TBC1D32: variants seen among roughly 807,000 people sequenced by gnomAD.
TBC1D32 encodes TBC1 domain family member 32.
A neutral mutation model predicts 170.3 loss-of-function variants in TBC1D32; 151 were observed. That is an observed-to-expected ratio of 0.89 (90% CI 0.78 to 1.01). The LOEUF (loss-of-function observed/expected upper bound fraction) is 1.01, where lower values mean the gene tolerates loss of function less well. Ranked by LOEUF, TBC1D32 falls within the 50% of genes least tolerant of loss-of-function variation. The pLI is 0.00. For missense variants in TBC1D32, 1,464 were observed against 1,457.1 expected, an observed-to-expected ratio of 1.00 and a Z score of -0.08; for synonymous variants, 498 against 488.0, an observed-to-expected ratio of 1.02 and a Z score of -0.27.
intron 21 of TBC1D32, among the ~76,000 whole-genome samples, chr6:121,218,662 T>C (rs745388079): frequency 9.9e-5 from 15 of 152,252 alleles, no homozygotes; most frequent in Non-Finnish European, 1.8e-4. Flanking sequence ...CCTTGATATA[T>C]AGATATATAT....
chr6:121,194,531 T>C (rs1249822590), intron 22 of TBC1D32, among the ~76,000 whole-genome samples: 1 of 152,360 alleles, frequency 6.6e-6, no homozygotes, highest in South Asian at 2.1e-4. Flanking sequence ...ACTGGGTTAT[T>C]GTAAGCTTAA....
intron 15 of TBC1D32, among the ~76,000 whole-genome samples, chr6:121,258,801 T>C (rs1430300575): frequency 6.6e-6 from 1 of 152,146 alleles, no homozygotes; most frequent in African/African-American, 2.4e-5. Flanking sequence ...CTCCATTGTG[T>C]AAACATAATT....
intron 21 of TBC1D32, among the ~76,000 whole-genome samples, chr6:121,213,184 T>C (rs1471163099): frequency 6.6e-6 from 1 of 152,088 alleles, no homozygotes; most frequent in Non-Finnish European, 1.5e-5. Context: ...AACATAGTAT[T>C]GGAAGTCTTG....
chr6:121,188,714 T>C (rs563000997), intron 22 of TBC1D32, among the ~76,000 whole-genome samples: 66 of 152,316 alleles, frequency 4.3e-4, no homozygotes, highest in African/African-American at 1.6e-3. Flanking sequence ...AGGGGATTAC[T>C]CTTCATTCTT....
chr6:121,249,367 T>C (rs546626217), intron 17 of TBC1D32, among the ~76,000 whole-genome samples: 4 of 151,582 alleles, frequency 2.6e-5, no homozygotes, highest in Non-Finnish European at 5.9e-5. Context: ...TCATAGAGAA[T>C]CGGAAAAAGT....
intron 29 of TBC1D32, among the ~76,000 whole-genome samples, chr6:121,111,125 G>T (rs528710867): frequency 2.6e-5 from 4 of 152,230 alleles, no homozygotes; most frequent in Admixed American, 6.5e-5. Context: ...AAAATGGTAA[G>T]TCAAATAAAA....
chr6:121,198,512 G>A (rs4945680), intron 22 of TBC1D32, among the ~76,000 whole-genome samples: 3,644 of 150,702 alleles, frequency 0.024, 183 homozygotes, highest in East Asian at 0.12. Context: ...AGCACTTTGG[G>A]AGGCCGAGAT....
chr6:121,157,513 A>G (rs1310342329), intron 24 of TBC1D32, among the ~76,000 whole-genome samples: 2 of 152,084 alleles, frequency 1.3e-5, no homozygotes. Context: ...TCAGGGTATT[A>G]GTACTGATAT....
chr6:121,325,381 A>C (rs62427577), intron 1 of TBC1D32, among the ~76,000 whole-genome samples: 133,135 of 151,676 alleles, frequency 0.88, 59,551 homozygotes, highest in South Asian at 0.98. Context: ...AAACTATAAG[A>C]TACAAGGCTA....
rs201833154 is a variant in TBC1D32, at chr6:121,255,372, C to G, written c.1974G>C (p.Glu658Asp). Residue 658 changes from glutamate to aspartate, a missense_variant, in exon 17 of 32, where the codon GAG becomes GAC. Glu to Asp is a conservative substitution (Grantham distance 45). Coordinates refer to ENST00000398212, the MANE Select transcript of TBC1D32 (RefSeq NM_152730.6). ...TTACTGAAGAAACAGAATCAGAACC[C>G]TCTACTGGAGTAGGAATTCTTTCTG... ...LLSERIPTPV[E>D]GSDSVSSVSQ... 2.0e-4 allele frequency: 310 copies of G among 1,533,490 alleles called. 1 individual carries two copies. In the African/African-American group the frequency reaches 4.4e-3, roughly 22 times the overall value. 95.0% of individuals were successfully genotyped at this position (1,533,490 alleles called of 1,614,324 possible). A position where few individuals can be genotyped will look rare whatever the true frequency, so the allele number is the denominator to read the frequency against.
chr6:121,314,733 A>AT (rs1808692355), intron 3 of TBC1D32, among the ~76,000 whole-genome samples: 1 of 152,192 alleles, frequency 6.6e-6, no homozygotes, highest in Non-Finnish European at 1.5e-5. Context: ...AGCTTAATGT[A>AT]TATCAGAGGT....
rs571489194 is a variant in TBC1D32 at position 121,173,148 on chromosome 6, A to G, written c.2571-12092T>C. ...GGTGGGCACAATCTAATCAGCTACCAGCGCAGCCAGAATAAAAGCAGGTAG... is the reference window on the plus strand; with the variant it reads ...GGTGGGCACAATCTAATCAGCTACCGGCGCAGCCAGAATAAAAGCAGGTAG... On this transcript the variant is annotated intron_variant, in intron 22 of 31. Transcript: ENST00000398212. 2.6e-5 allele frequency among the ~76,000 whole-genome samples: 4 copies of G among 152,322 alleles called. No homozygotes were observed. In the East Asian group the frequency reaches 7.7e-4, roughly 29 times the overall value.
chr6:121,312,565 G>A (rs1386516982), intron 3 of TBC1D32, among the ~76,000 whole-genome samples: 1 of 152,004 alleles, frequency 6.6e-6, no homozygotes, highest in Non-Finnish European at 1.5e-5. Flanking sequence ...AGACTAACAA[G>A]GCACATTCCT....
At chr6:121,220,079 C>T (rs755550730) in intron 21 of TBC1D32, among the ~76,000 whole-genome samples, 8 of 152,040 alleles carry the variant, frequency 5.3e-5, no homozygotes, top group Non-Finnish European at 8.8e-5. Flanking sequence ...TTAAGATTAG[C>T]GCAATTAGTA....
chr6:121,269,315 G>A (rs1047064012), intron 15 of TBC1D32, among the ~76,000 whole-genome samples: 2 of 152,080 alleles, frequency 1.3e-5, no homozygotes, highest in African/African-American at 4.8e-5. Flanking sequence ...GACATAGACT[G>A]GCAAATTGGA....
intron 21 of TBC1D32, among the ~76,000 whole-genome samples, chr6:121,216,758 G>C (rs12055504): frequency 6.6e-6 from 1 of 152,174 alleles, no homozygotes; most frequent in Non-Finnish European, 1.5e-5. Flanking sequence ...GATGAACTCA[G>C]AGATTCTGTC....
At chr6:121,250,849 A>G (rs923659792) in intron 17 of TBC1D32, among the ~76,000 whole-genome samples, 3 of 152,332 alleles carry the variant, frequency 2.0e-5, no homozygotes, top group East Asian at 3.9e-4. Context: ...ACCTCAGCCC[A>G]AAAACTCTTT....
intron 24 of TBC1D32, chr6:121,139,891 A>G (rs1459076339): frequency 2.0e-5 from 3 of 152,184 alleles, no homozygotes; most frequent in African/African-American, 7.2e-5. Context: ...AATGCATTGC[A>G]ACAATTTTCT....
chr6:121,245,925 C>T (rs1797535882), intron 17 of TBC1D32, among the ~76,000 whole-genome samples: 1 of 152,106 alleles, frequency 6.6e-6, no homozygotes, highest in South Asian at 2.1e-4. Flanking sequence ...GTAGCTCCTA[C>T]CCTTTGCCCT....
Sources: gnomAD v4.1 joint callset for allele counts (sites outside exome capture counted in the v4.1 genomes callset) on GRCh38, gnomAD v4.1.1 for gene constraint, MANE v1.5 for transcripts, NCBI Gene and HGNC (gene_info 2026-07-23, HGNC 2026-07-21) for gene names.